The following EPHA3 variants were observed in gnomAD, a reference collection of about 807,000 sequenced individuals.
EPHA3 encodes ephrin type-A receptor 3.
A neutral mutation model predicts 107.1 loss-of-function variants in EPHA3; 42 were observed. That is an observed-to-expected ratio of 0.39 (90% CI 0.31 to 0.51). EPHA3 has a LOEUF of 0.51. Ranked by LOEUF, EPHA3 falls within the 20% of genes least tolerant of loss-of-function variation. The pLI is 0.78. For missense variants in EPHA3, 1,183 were observed against 1,211.2 expected (o/e 0.98, Z 0.35); for synonymous variants, 461 against 424.8 (o/e 1.09, Z -1.05).
intron 3 of EPHA3, among the ~76,000 whole-genome samples, chr3:89,337,870 G>C (rs1208580757): frequency 6.6e-6 from 1 of 152,152 alleles, no homozygotes; most frequent in East Asian, 1.9e-4. Context: ...TTGTCTTTCT[G>C]ACATTATAAG....
At chr3:89,317,366 G>A (rs150324121) in intron 3 of EPHA3, among the ~76,000 whole-genome samples, 32 of 151,878 alleles carry the variant, frequency 2.1e-4, no homozygotes, top group African/African-American at 7.5e-4. Flanking sequence ...AGATCTGGAT[G>A]TGTTTAAATC....
At chr3:89,165,605 C>A (rs1458590685) in intron 2 of EPHA3, among the ~76,000 whole-genome samples, 2 of 152,102 alleles carry the variant, frequency 1.3e-5, no homozygotes, top group Non-Finnish European at 2.9e-5. Context: ...TATGTTAATT[C>A]TCTGCTTAAT....
chr3:89,143,077 G>A (rs192264443), intron 2 of EPHA3, among the ~76,000 whole-genome samples: 11 of 150,894 alleles, frequency 7.3e-5, no homozygotes, highest in African/African-American at 2.4e-4. Flanking sequence ...AAATGAAAAG[G>A]TTACCTGTAC....
chr3:89,208,423 G>GAAGGAAGGAAGGAAGAAAGAAAGAAAGA (rs74193305), intron 2 of EPHA3, among the ~76,000 whole-genome samples: 23 of 37,510 alleles, frequency 6.1e-4, no homozygotes, highest in South Asian at 1.2e-3. Context: ...AGGAAGGAAG[G>GAAGGAAGGAAGGAAGAAAGAAAGAAAGA]AAGAAAGAAA....
chr3:89,413,413 G>T (rs1709192348), intron 10 of EPHA3, 147 bp downstream of exon 10: 4 of 1,029,342 alleles, frequency 3.9e-6, no homozygotes, highest in Non-Finnish European at 5.8e-6. Context: ...ATATTTAATG[G>T]AATGTAATGA....
rs56717904 is a variant in EPHA3, at chr3:89,357,106, C to CA, written c.1306+15046dup. On this transcript the variant is annotated intron_variant, in intron 5 of 16. Transcript: ENST00000336596. ...CTGGTGAAAGAGTGAGACCCTGTCT[C>CA]AAAAAAAAAAAAAAAAAAAAAAAAA... Among the ~76,000 whole-genome samples the CA allele has an allele frequency of 6.3e-3, 100 of 15,996 alleles. 33 individuals are homozygous for CA. The highest frequency in any genetic ancestry group is 0.014 in the African/African-American group (67 of 4,708). The allele number at this position is 15,996 out of a possible 152,430, so 10.5% of individuals were successfully genotyped here. A position where few individuals can be genotyped will look rare whatever the true frequency, so the allele number is the denominator to read the frequency against.
At chr3:89,442,704 A>G (rs575271116) in intron 13 of EPHA3, among the ~76,000 whole-genome samples, 1 of 152,192 alleles carries the variant, frequency 6.6e-6, no homozygotes, top group South Asian at 2.1e-4. Context: ...GGTACTTTCT[A>G]TTTTTTCCTG....
At chr3:89,461,329 TG>T (rs1710237168) in intron 15 of EPHA3, among the ~76,000 whole-genome samples, 1 of 66,670 alleles carries the variant, frequency 1.5e-5, no homozygotes, top group Non-Finnish European at 2.6e-5. Flanking sequence ...TATACTCATT[TG>T]GGTATATACC....
Position 89,431,172 on chromosome 3 carries a change from T to C in EPHA3, c.2159T>C (p.Val720Ala). 1 of 1,613,828 alleles carries C rather than the reference T, an allele frequency of 6.2e-7. No homozygotes were observed. The highest frequency in any genetic ancestry group is 8.5e-7 in the Non-Finnish European group (1 of 1,179,884). The change falls in exon 13 of 17, where the codon GTC becomes GCC. Residue 720 changes from valine (V) to alanine (A), a missense_variant. Physicochemically the swap from Val to Ala is moderately conservative, Grantham distance 64. Coordinates refer to ENST00000336596, the MANE Select transcript of EPHA3 (RefSeq NM_005233.6). The part of the protein sequence containing the change: ...FLRKHDAQFT[V>A]IQLVGMLRGI... ...CAGAAACACGATGCCCAGTTTACTG[T>C]CATTCAGCTAGTGGGGATGCTTCGA...
rs1331953644 is a variant in EPHA3, at chr3:89,377,012, T to A, written c.1307-18825T>A. Reference sequence around the variant, plus strand: ...TGGAAAATTTTTCTCACAACTTTCCTTCTGTGCCTGTAGTTTTTGGAGTTG... The same window carrying A: ...TGGAAAATTTTTCTCACAACTTTCCATCTGTGCCTGTAGTTTTTGGAGTTG... On this transcript the variant is annotated intron_variant, in intron 5 of 16. Transcript: ENST00000336596. Among the ~76,000 whole-genome samples the A allele has an allele frequency of 2.0e-5, 3 of 152,116 alleles. No individual in the cohort carries two copies. The South Asian group carries it at 6.2e-4, about 31-fold the overall frequency.
intron 3 of EPHA3, among the ~76,000 whole-genome samples, chr3:89,321,332 A>T (rs1707040090): frequency 6.6e-6 from 1 of 152,064 alleles, no homozygotes; most frequent in African/African-American, 2.4e-5. Flanking sequence ...TAATATACAG[A>T]TCTGCTGCCT....
intron 2 of EPHA3, among the ~76,000 whole-genome samples, chr3:89,208,423 G>GAAGAAAGAAAGAAAGAAAGAAAGAAAGA (rs745313705): frequency 2.7e-5 from 1 of 37,554 alleles, no homozygotes; most frequent in Non-Finnish European, 4.7e-5. Flanking sequence ...AGGAAGGAAG[G>GAAGAAAGAAAGAAAGAAAGAAAGAAAGA]AAGAAAGAAA....
chr3:89,169,802 T>A (rs1705168357), intron 2 of EPHA3, among the ~76,000 whole-genome samples: 1 of 152,234 alleles, frequency 6.6e-6, no homozygotes. Flanking sequence ...TTCTACTTCA[T>A]AACCTTAATT....
At chr3:89,188,843 TC>T in intron 2 of EPHA3, among the ~76,000 whole-genome samples, 1 of 152,310 alleles carries the variant, frequency 6.6e-6, no homozygotes, top group African/African-American at 2.4e-5. Flanking sequence ...CCTCCTTCAT[TC>T]TTCACTATCT....
At chr3:89,170,624 G>T (rs944626976) in intron 2 of EPHA3, among the ~76,000 whole-genome samples, 1 of 152,170 alleles carries the variant, frequency 6.6e-6, no homozygotes, top group African/African-American at 2.4e-5. Context: ...TTGAAGTGAA[G>T]ATAGAGCAAA....
At position 89,107,675 on chromosome 3, in the gene EPHA3, C is replaced by A; in HGVS notation, c.-74C>A. The A allele has an allele frequency of 2.2e-6, 3 of 1,370,460 alleles. No homozygotes were observed. The highest frequency in any genetic ancestry group is 1.2e-5 in the South Asian group (1 of 84,262). 84.9% of individuals were successfully genotyped at this position (1,370,460 alleles called of 1,614,324 possible). ...GGAGCATGGTAACTTCTCCAGCAAT[C>A]AGAGCGCTCCCCCTCACATCAGTGG... On this transcript the variant is annotated 5_prime_UTR_variant, in exon 1 of 17. Transcript: ENST00000336596.
At chr3:89,127,955 G>A (rs1365773201) in intron 2 of EPHA3, among the ~76,000 whole-genome samples, 1 of 151,992 alleles carries the variant, frequency 6.6e-6, no homozygotes, top group Non-Finnish European at 1.5e-5. Context: ...TCTGAAAAAT[G>A]AGGGGAGTGT....
chr3:89,177,004 T>C (rs1221701201), intron 2 of EPHA3, among the ~76,000 whole-genome samples: 2 of 152,036 alleles, frequency 1.3e-5, no homozygotes, highest in African/African-American at 4.8e-5. Flanking sequence ...CACACGGTTT[T>C]CTTAGACATT....
rs1709143410 is a variant in EPHA3 at position 89,410,763 on chromosome 3, C to T, written c.1763-2378C>T. Among the ~76,000 whole-genome samples, 3 of 151,886 alleles carry T rather than the reference C, an allele frequency of 2.0e-5. No homozygotes were observed. In the South Asian group the frequency reaches 6.2e-4, roughly 32 times the overall value. On this transcript the variant is annotated intron_variant, in intron 9 of 16. Coordinates refer to ENST00000336596, the MANE Select transcript of EPHA3 (RefSeq NM_005233.6). ...TTTTAGTAATGGTTACTTACTTTTA[C>T]AATTTTTCTTACTCCACATCTAGAA... is the stretch of plus-strand genomic sequence containing the variant.
Sources: allele counts gnomAD v4.1 joint callset (sites outside exome capture counted in the v4.1 genomes callset), GRCh38; gene constraint gnomAD v4.1.1; transcripts MANE v1.5; gene names NCBI Gene and HGNC (gene_info 2026-07-23, HGNC 2026-07-21).